Variants in CHD7 observed in about 807,000 individuals in gnomAD.
CHD7 encodes chromodomain helicase DNA binding protein 7.
A neutral mutation model predicts 307.3 loss-of-function variants in CHD7; 24 were observed. That is an observed-to-expected ratio of 0.08 (90% CI 0.06 to 0.11). The LOEUF (loss-of-function observed/expected upper bound fraction) is 0.11, where lower values mean the gene tolerates loss of function less well. Ranked by LOEUF, CHD7 falls within the 10% of genes least tolerant of loss-of-function variation. The pLI, the probability that CHD7 is intolerant of heterozygous loss-of-function variation, is 1.00. For synonymous variants in CHD7, 1,363 were observed against 1,349.9 expected (o/e 1.01, Z -0.21); for missense variants, 3,106 against 3,727.1 (o/e 0.83, Z 4.34).
In CHD7 at chr8:60,741,954, G is replaced by A. The variant is rs577112542; in HGVS notation, c.522G>A (p.Pro174=). 30 of 1,613,636 alleles carry A rather than the reference G, an allele frequency of 1.9e-5. No homozygotes were observed. In the East Asian group the frequency reaches 2.5e-4, roughly 13 times the overall value. ...QPQPQPPQPA[P]SGPPAQGHPQ... ...AGCCGCAGCCACCGCAGCCGGCTCC[G>A]TCGGGGCCCCCTGCACAGGGCCACC... The change falls in exon 2 of 38, where the codon CCG becomes CCA. Residue 174 remains proline, a synonymous_variant. Transcript: ENST00000423902.
chr8:60,768,206 C>T (rs1029316085), intron 2 of CHD7, among the ~76,000 whole-genome samples: 16 of 152,074 alleles, frequency 1.1e-4, no homozygotes, highest in African/African-American at 2.9e-4. Context: ...TTTTCATTTT[C>T]GAAGTGTGGA....
intron 4 of CHD7, among the ~76,000 whole-genome samples, chr8:60,795,725 G>A (rs574013251): frequency 2.6e-5 from 4 of 152,300 alleles, no homozygotes; most frequent in East Asian, 1.9e-4. Flanking sequence ...TGAAGTAAAC[G>A]TGAGGAATGT....
chr8:60,728,586 C>T (rs932922660), intron 1 of CHD7, among the ~76,000 whole-genome samples: 5 of 152,098 alleles, frequency 3.3e-5, no homozygotes, highest in African/African-American at 9.7e-5. Context: ...AGAGCAATGG[C>T]GCGATCTCGG....
intron 2 of CHD7, among the ~76,000 whole-genome samples, chr8:60,769,305 G>T (rs1810607204): frequency 6.6e-6 from 1 of 152,146 alleles, no homozygotes; most frequent in Non-Finnish European, 1.5e-5. Flanking sequence ...CCCTCAAACT[G>T]GGTTCAGGGA....
At chr8:60,774,804 T>G (rs1810874321) in intron 2 of CHD7, among the ~76,000 whole-genome samples, 2 of 152,134 alleles carry the variant, frequency 1.3e-5, no homozygotes, top group Admixed American at 6.5e-5. Flanking sequence ...ATTGGCAGAG[T>G]TTCACTGCTT....
At chr8:60,828,601 T>TA in intron 13 of CHD7, 62 bp from the exon 14 acceptor site, 1 of 1,485,116 alleles carries the variant, frequency 6.7e-7, no homozygotes, top group Non-Finnish European at 9.1e-7. Flanking sequence ...AGTGAGAGGC[T>TA]CTGGTTTTAA....
chr8:60,827,039 C>T lies in CHD7; in HGVS notation c.3379-1624C>T, dbSNP rs543137147. ...ATTGTTACCCACTTTCAAATTGATA[C>T]CTAGTTTTATTCCACTATTTGTAGG... On this transcript the variant is annotated intron_variant, in intron 13 of 37. Coordinates refer to ENST00000423902, the MANE Select transcript of CHD7 (RefSeq NM_017780.4). Among the ~76,000 whole-genome samples the T allele has an allele frequency of 5.3e-5, 8 of 152,230 alleles. No homozygotes were observed. In the South Asian group the frequency reaches 1.7e-3, roughly 32 times the overall value.
rs1448374029 is a variant in CHD7, at chr8:60,852,218, G to A, written c.5865G>A (p.Arg1955=). ...AAGTGAGAGCTCTGGAAGCGGAAAG[G>A]GAAGCTATTATATCTGAGAAGCGGC... is the stretch of plus-strand genomic sequence containing the variant. ...REEVRALEAE[R]EAIISEKRQK... The change falls in exon 29 of 38, where the codon AGG becomes AGA. Residue 1955 remains arginine, a synonymous_variant. Coordinates refer to ENST00000423902, the MANE Select transcript of CHD7 (RefSeq NM_017780.4). The A allele has an allele frequency of 1.2e-6, 2 of 1,613,556 alleles. No homozygotes were observed. Among genetic ancestry groups the A allele is most frequent in the Admixed American group, 3.3e-5 (2 of 59,926 alleles).
intron 21 of CHD7, 118 bp from the exon 22 acceptor site, chr8:60,844,746 C>T: frequency 5.3e-6 from 4 of 753,592 alleles, no homozygotes; most frequent in South Asian, 4.4e-5. Flanking sequence ...TTCCTATCAC[C>T]CAGTGTGAAT....
rs2150462356 is a variant in CHD7 at position 60,679,066 on chromosome 8, G to T, written c.-191G>T. 6.6e-6 allele frequency: 1 copy of T among 151,674 alleles called. No individual in the cohort carries two copies. Among genetic ancestry groups the T allele is most frequent in the South Asian group, 1.8e-4 (1 of 5,548 alleles). The allele number at this position is 151,674 out of a possible 1,614,324, so 9.4% of individuals were successfully genotyped here. On this transcript the variant is annotated 5_prime_UTR_variant, in exon 1 of 38. The change creates a new upstream start codon in the 5' untranslated region. Coordinates refer to ENST00000423902, the MANE Select transcript of CHD7 (RefSeq NM_017780.4). ...TTTCCCCTCGGCACTAGGCAGCGGA[G>T]GAGCCCGACCGACCCGGTGAGCGCG...
intron 2 of CHD7, among the ~76,000 whole-genome samples, chr8:60,773,846 C>T (rs1176618849): frequency 6.6e-6 from 1 of 152,112 alleles, no homozygotes; most frequent in African/African-American, 2.4e-5. Flanking sequence ...ATAAGAATGC[C>T]AGTTCTTACC....
chr8:60,724,668 C>T (rs779684195), intron 1 of CHD7, among the ~76,000 whole-genome samples: 1 of 152,176 alleles, frequency 6.6e-6, no homozygotes, highest in Non-Finnish European at 1.5e-5. Context: ...TGCATGCCTT[C>T]CCAGCCATTA....
At position 60,853,497 on chromosome 8, in the gene CHD7, G is replaced by A. The variant is rs970986435; in HGVS notation, c.6772G>A (p.Glu2258Lys). The change falls in exon 31 of 38, where the codon GAA becomes AAA. Residue 2258 changes from glutamate to lysine, a missense_variant. By Grantham distance (56) the Glu-to-Lys change is moderately conservative. Coordinates refer to ENST00000423902, the MANE Select transcript of CHD7 (RefSeq NM_017780.4). ...TAAGTCGGAAGAGTCTTCCCAGCCC[G>A]AAGGTAAGGCCTTACCACTGGCCCC... is the stretch of plus-strand genomic sequence containing the variant. ...DDKSEESSQP[E>K]AGAVSRGKNF... is the part of the protein sequence containing the mutation. The A allele has an allele frequency of 2.0e-6, 3 of 1,511,616 alleles. No homozygotes were observed. The highest frequency in any genetic ancestry group is 2.7e-6 in the Non-Finnish European group (3 of 1,131,884). The allele number at this position is 1,511,616 out of a possible 1,614,324, so 93.6% of individuals were successfully genotyped here. A position where few individuals can be genotyped will look rare whatever the true frequency, so the allele number is the denominator to read the frequency against.
At chr8:60,748,344 T>C (rs1809436433) in intron 2 of CHD7, among the ~76,000 whole-genome samples, 1 of 152,144 alleles carries the variant, frequency 6.6e-6, no homozygotes, top group South Asian at 2.1e-4. Context: ...GAAAGCCCTT[T>C]GGGCCTTGAG....
intron 3 of CHD7, among the ~76,000 whole-genome samples, chr8:60,783,598 C>T (rs1192817752): frequency 6.6e-6 from 1 of 152,180 alleles, no homozygotes; most frequent in Non-Finnish European, 1.5e-5. Context: ...CTAGTACCTT[C>T]CCCCCTCCTG....
chr8:60,853,555 G>A, intron 31 of CHD7, 55 bp downstream of exon 31: 1 of 1,406,014 alleles, frequency 7.1e-7, no homozygotes, highest in South Asian at 1.7e-5. Flanking sequence ...GTTGTGAGAT[G>A]CGTTGCTTTC....
Position 60,836,253 on chromosome 8 carries a change from A to T in CHD7, c.3959A>T (p.Asp1320Val). The T allele has an allele frequency of 6.2e-7, 1 of 1,613,992 alleles. No homozygotes were observed. Among genetic ancestry groups the T allele is most frequent in the Non-Finnish European group, 8.5e-7 (1 of 1,179,902 alleles). The change falls in exon 16 of 38, where the codon GAC becomes GTC. Residue 1320 changes from aspartate (D) to valine (V), a missense_variant. By Grantham distance (152) the Asp-to-Val change is radical. Transcript: ENST00000423902. The part of the protein sequence containing the change: ...LIFSQMVRCL[D>V]ILEDYLIQRR... ...TTTTCCCAGATGGTGCGCTGCTTGG[A>T]CATACTGGAAGACTACCTCATTCAA...
chr8:60,747,426 T>C (rs1211258346), intron 2 of CHD7, among the ~76,000 whole-genome samples: 1 of 152,188 alleles, frequency 6.6e-6, no homozygotes, highest in East Asian at 1.9e-4. Flanking sequence ...TATTTAAAAA[T>C]AATAAACCAT....
At chr8:60,792,619 A>C (rs180971454) in intron 3 of CHD7, among the ~76,000 whole-genome samples, 82 of 152,326 alleles carry the variant, frequency 5.4e-4, no homozygotes, top group Non-Finnish European at 7.8e-4. Context: ...CATACAGTTC[A>C]TTCTTGGGAA....
Sources: gnomAD v4.1 joint callset for allele counts (sites outside exome capture counted in the v4.1 genomes callset) on GRCh38, gnomAD v4.1.1 for gene constraint, MANE v1.5 for transcripts, NCBI Gene and HGNC (gene_info 2026-07-23, HGNC 2026-07-21) for gene names.